Variants in THG1L observed in about 807,000 individuals in gnomAD.
The protein encoded by THG1L is probable tRNA(His) guanylyltransferase.
THG1L carries 27 observed loss-of-function variants against 35.2 expected under a neutral mutation model. That is an observed-to-expected ratio of 0.77 (90% CI 0.57 to 1.06). The LOEUF (loss-of-function observed/expected upper bound fraction) is 1.06. Among genes scored for constraint, THG1L ranks in the 50% least tolerant of loss-of-function variants. The pLI is 0.00. For missense variants in THG1L, 377 were observed against 371.8 expected, an observed-to-expected ratio of 1.01 and a Z score of -0.12; for synonymous variants, 135 against 132.4, an observed-to-expected ratio of 1.02 and a Z score of -0.14.
intron 3 of THG1L, among the ~76,000 whole-genome samples, chr5:157,735,349 AC>A (rs1244918718): frequency 6.6e-6 from 1 of 152,120 alleles, no homozygotes; most frequent in Non-Finnish European, 1.5e-5. Context: ...ACACACACAC[AC>A]ACAAATGCCA....
In THG1L at chr5:157,738,035, A is replaced by G. The variant is rs746484814; in HGVS notation, c.735+41A>G. The stretch of plus-strand genomic sequence containing the variant: ...TCAAAGAAAAATGGAAGTCAGGAAA[A>G]AAGATAGCCTGTGCCCATTCCAAGC... On this transcript the variant is annotated intron_variant, in intron 5 of 5. Coordinates refer to ENST00000231198, the MANE Select transcript of THG1L (RefSeq NM_017872.5). 7.5e-5 allele frequency: 114 copies of G among 1,520,438 alleles called. No individual in the cohort carries two copies. The East Asian group carries it at 1.1e-3, about 15-fold the overall frequency. The allele number at this position is 1,520,438 out of a possible 1,614,324, so 94.2% of individuals were successfully genotyped here. A position where few individuals can be genotyped will look rare whatever the true frequency, so the allele number is the denominator to read the frequency against.
At chr5:157,739,178 T>G (rs1480717908) in intron 5 of THG1L, 143 bp from the exon 6 acceptor site, 3 of 633,636 alleles carry the variant, frequency 4.7e-6, no homozygotes, top group Non-Finnish European at 5.3e-6. Flanking sequence ...CGCATATATA[T>G]ACACATATTT....
intron 2 of THG1L, among the ~76,000 whole-genome samples, chr5:157,734,280 C>T (rs577955868): frequency 7.9e-5 from 12 of 151,966 alleles, no homozygotes; most frequent in South Asian, 4.2e-4. Context: ...CCCAGCTACT[C>T]GGGAGTCTGA....
Position 157,737,887 on chromosome 5 carries a change from G to C in THG1L, c.628G>C (p.Gly210Arg). Residue 210 changes from glycine to arginine, a missense_variant and splice_region_variant, in exon 5 of 6, where the codon GGA becomes CGA. By Grantham distance (125) the Gly-to-Arg change is moderately radical (BLOSUM62 -2). Transcript: ENST00000231198. The stretch of plus-strand genomic sequence containing the variant: ...TTAATATCTATTTTTATTTTCTCAG[G>C]GAACTCTTGCAGCAGACAAGAATGA... The part of the protein sequence containing the change: ...TPVQAQGRLQ[G>R]TLAADKNEIL... 2 of 1,610,488 alleles carry C rather than the reference G, an allele frequency of 1.2e-6. No individual in the cohort carries two copies. The highest frequency in any genetic ancestry group is 1.7e-6 in the Non-Finnish European group (2 of 1,178,748).
chr5:157,736,078 G>A (rs1760881564), intron 4 of THG1L, 144 bp downstream of exon 4: 1 of 623,350 alleles, frequency 1.6e-6, no homozygotes, highest in African/African-American at 1.9e-5. Flanking sequence ...AATCATAATA[G>A]GAGCAGCTCT....
intron 2 of THG1L, among the ~76,000 whole-genome samples, 171 bp downstream of exon 2, chr5:157,733,215 C>T (rs1760774661): frequency 6.6e-6 from 1 of 152,182 alleles, no homozygotes; most frequent in African/African-American, 2.4e-5. Context: ...GATAGCCGAG[C>T]ATTCTGTGTG....
At position 157,731,649 on chromosome 5, in the gene THG1L, G is replaced by C. The variant is rs776026621; in HGVS notation, c.191+18G>C. The C allele has an allele frequency of 6.3e-7, 1 of 1,578,560 alleles. No individual in the cohort carries two copies. Among genetic ancestry groups the C allele is most frequent in the Non-Finnish European group, 8.6e-7 (1 of 1,159,786 alleles). ...TTCCATCGGTGAGCGAGCTCGACTC[G>C]GGGCGTCGCGATGCGCCAGCGCTTC... is the stretch of plus-strand genomic sequence containing the variant. On this transcript the variant is annotated intron_variant, in intron 1 of 5. Transcript: ENST00000231198.
chr5:157,738,271 A>T (rs1270257197), intron 5 of THG1L, among the ~76,000 whole-genome samples: 3 of 152,208 alleles, frequency 2.0e-5, no homozygotes, highest in African/African-American at 7.2e-5. Context: ...AAAATCCTTT[A>T]AAAAGGATAC....
chr5:157,738,685 A>AGACTTGGATACTTTGGT, intron 5 of THG1L: 2 of 428,008 alleles, frequency 4.7e-6, no homozygotes, highest in South Asian at 3.5e-5. Flanking sequence ...AGTTGTTCAA[A>AGACTTGGATACTTTGGT]ACATTTATTC....
chr5:157,736,256 T>TC (rs1760886078), intron 4 of THG1L, among the ~76,000 whole-genome samples: 1 of 151,506 alleles, frequency 6.6e-6, no homozygotes, highest in African/African-American at 2.4e-5. Flanking sequence ...ACTGACTTTT[T>TC]TTTTTTTTTT....
At chr5:157,735,179 C>A (rs1397463926) in intron 3 of THG1L, among the ~76,000 whole-genome samples, 1 of 152,112 alleles carries the variant, frequency 6.6e-6, no homozygotes, top group Non-Finnish European at 1.5e-5. Flanking sequence ...CTCAGGTGAT[C>A]CACCCGCCTT....
intron 2 of THG1L, among the ~76,000 whole-genome samples, chr5:157,733,655 A>G (rs1023849626): frequency 2.0e-5 from 3 of 149,194 alleles, no homozygotes; most frequent in Non-Finnish European, 1.5e-5. Flanking sequence ...TTTTACAACA[A>G]TGGTTTCTCT....
At chr5:157,738,581 GT>G (rs775419758) in intron 5 of THG1L, 6 of 401,648 alleles carry the variant, frequency 1.5e-5, no homozygotes, top group Admixed American at 6.6e-5. Flanking sequence ...TCCATGTAAA[GT>G]TTTTTTGTTT....
chr5:157,732,935 G>A lies in THG1L; in HGVS notation c.259G>A (p.Ala87Thr). 1 of 1,614,212 alleles carries A rather than the reference G, an allele frequency of 6.2e-7. No homozygotes were observed. Among genetic ancestry groups the A allele is most frequent in the Non-Finnish European group, 8.5e-7 (1 of 1,180,040 alleles). Residue 87 changes from alanine (A) to threonine (T), a missense_variant, in exon 2 of 6, where the codon GCG becomes ACG. By Grantham distance (58) the Ala-to-Thr change is moderately conservative. Transcript: ENST00000231198. ...SRALQLMTKC[A>T]QTVMEELEDI... Reference sequence around the variant, plus strand: ...TGCTCTCCAGCTGATGACCAAATGTGCGCAGACTGTGATGGAAGAACTAGA... The same window carrying A: ...TGCTCTCCAGCTGATGACCAAATGTACGCAGACTGTGATGGAAGAACTAGA...
At chr5:157,731,730 C>T (rs1390959879) in intron 1 of THG1L, 99 bp downstream of exon 1, 21 of 1,442,492 alleles carry the variant, frequency 1.5e-5, no homozygotes, top group African/African-American at 1.4e-4. Context: ...GTCACGGTTA[C>T]CAGGGTAACG....
Position 157,739,664 on chromosome 5 carries a change from T to G in THG1L, c.*182T>G. The G allele has an allele frequency of 1.9e-6, 1 of 538,596 alleles. No homozygotes were observed. The highest frequency in any genetic ancestry group is 3.3e-5 in the East Asian group (1 of 30,294). 33.4% of individuals were successfully genotyped at this position (538,596 alleles called of 1,614,324 possible). On this transcript the variant is annotated 3_prime_UTR_variant, in exon 6 of 6. Transcript: ENST00000231198. The stretch of plus-strand genomic sequence containing the variant: ...TGGGGGTGGTGTATCTTACTCTGTT[T>G]AAGCAGAACACCTTGTTTGCGGTGT...
chr5:157,733,157 C>A, intron 2 of THG1L, 113 bp downstream of exon 2: 1 of 1,203,978 alleles, frequency 8.3e-7, no homozygotes, highest in Non-Finnish European at 1.2e-6. Context: ...GTATTTGTAA[C>A]TGCAGAGTAC....
At chr5:157,737,418 A>G (rs1760915158) in intron 4 of THG1L, among the ~76,000 whole-genome samples, 1 of 151,980 alleles carries the variant, frequency 6.6e-6, no homozygotes, top group South Asian at 2.1e-4. Context: ...GGGAGGTGGC[A>G]GTTGCAGTGA....
Position 157,735,935 on chromosome 5 carries a change from G to A in THG1L, c.627+1G>A. 6.3e-7 allele frequency: 1 copy of A among 1,586,270 alleles called. No individual in the cohort carries two copies. The highest frequency in any genetic ancestry group is 8.6e-7 in the Non-Finnish European group (1 of 1,163,862). On this transcript the variant is annotated splice_donor_variant, in intron 4 of 5. Coordinates refer to ENST00000231198, the MANE Select transcript of THG1L (RefSeq NM_017872.5). LOFTEE classifies it high-confidence loss of function. ...AGTACAAGCCCAAGGGAGATTACAG[G>A]TATAAAGATCTTACTACATTAATAC...
Sources: allele counts gnomAD v4.1 joint callset (sites outside exome capture counted in the v4.1 genomes callset), GRCh38; gene constraint gnomAD v4.1.1; transcripts MANE v1.5; gene names NCBI Gene and HGNC (gene_info 2026-07-23, HGNC 2026-07-21).